Variants in DCLK2 observed in about 807,000 individuals in gnomAD.
DCLK2 encodes the protein doublecortin like kinase 2.
A neutral mutation model predicts 78.4 loss-of-function variants in DCLK2; 31 were observed. The ratio of observed to expected loss-of-function variants is 0.40; its 90% CI spans 0.30 to 0.53. The LOEUF (loss-of-function observed/expected upper bound fraction) is 0.53. DCLK2 is among the 20% of genes least tolerant of loss of function. The probability of loss-of-function intolerance (pLI) is 0.61; values close to 1 mark genes in which losing one functional copy is unlikely to be tolerated. For missense variants in DCLK2, 872 were observed against 973.7 expected, an observed-to-expected ratio of 0.90 and a Z score of 1.39; for synonymous variants, 407 against 374.9, an observed-to-expected ratio of 1.09 and a Z score of -0.99.
At chr4:150,086,837 T>A (rs1729686824) in intron 1 of DCLK2, among the ~76,000 whole-genome samples, 1 of 152,138 alleles carries the variant, frequency 6.6e-6, no homozygotes, top group Non-Finnish European at 1.5e-5. Context: ...TTATTTCTCG[T>A]TATGTGTTTA....
intron 1 of DCLK2, among the ~76,000 whole-genome samples, chr4:150,098,744 G>A (rs1479727470): frequency 7.0e-6 from 1 of 143,812 alleles, no homozygotes; most frequent in Non-Finnish European, 1.5e-5. Flanking sequence ...CACCCAGGCT[G>A]GAGTGCAGTG....
intron 8 of DCLK2, among the ~76,000 whole-genome samples, chr4:150,227,688 C>G (rs971665374): frequency 2.0e-5 from 3 of 152,180 alleles, no homozygotes; most frequent in African/African-American, 7.2e-5. Flanking sequence ...TCTTCCAGTT[C>G]TAATATTCTC....
At chr4:150,251,749 A>C (rs1490683820) in intron 15 of DCLK2, among the ~76,000 whole-genome samples, 6 of 25,484 alleles carry the variant, frequency 2.4e-4, no homozygotes, top group Admixed American at 1.2e-3. Context: ...AACACACCCC[A>C]CATTCCCCAC....
intron 2 of DCLK2, 25 bp downstream of exon 2, chr4:150,102,837 C>A (rs1230556943): frequency 1.2e-5 from 19 of 1,559,946 alleles, no homozygotes; most frequent in Non-Finnish European, 1.6e-5. Context: ...GCTCCCAGCT[C>A]TCCATCTGAC....
chr4:150,111,795 T>C (rs2150167893), intron 2 of DCLK2, among the ~76,000 whole-genome samples: 1 of 152,294 alleles, frequency 6.6e-6, no homozygotes, highest in South Asian at 2.1e-4. Context: ...TTTTAATTTA[T>C]CTCTAGACTC....
rs755594326 is a variant in DCLK2 at position 150,256,100 on chromosome 4, C to A, written c.2154C>A (p.Ile718=). 5.0e-6 allele frequency: 8 copies of A among 1,613,140 alleles called. No homozygotes were observed. The highest frequency in any genetic ancestry group is 6.8e-6 in the Non-Finnish European group (8 of 1,179,930). The change falls in exon 16 of 16, where the codon ATC becomes ATA. Residue 718 remains isoleucine, a synonymous_variant. Coordinates refer to ENST00000296550, the MANE Select transcript of DCLK2 (RefSeq NM_001040260.4). ...GCGGCAGGCCTGGGATGGAGCCCAT[C>A]TCTCCAGTTCCTCCCTCAGTGGAGG... The part of the protein sequence containing the change: ...QDSGRPGMEP[I]SPVPPSVEEI...
intron 2 of DCLK2, among the ~76,000 whole-genome samples, chr4:150,107,203 C>G (rs985131868): frequency 1.3e-5 from 2 of 151,976 alleles, no homozygotes; most frequent in African/African-American, 4.8e-5. Flanking sequence ...TGAGCTGATT[C>G]AAAAGAAAGT....
intron 12 of DCLK2, among the ~76,000 whole-genome samples, chr4:150,247,278 C>T (rs1039746098): frequency 6.6e-6 from 1 of 152,168 alleles, no homozygotes; most frequent in Non-Finnish European, 1.5e-5. Context: ...CCACTAAATG[C>T]ATTCACATTG....
rs930923607 is a variant in DCLK2, at chr4:150,221,693, A to T, written c.1149A>T (p.Arg383Ser). ...CISPEGVNGN[R>S]CSESSTLLEK... The stretch of plus-strand genomic sequence containing the variant: ...TTTTTGCAGGTGTGAATGGAAACAG[A>T]TGCTCTGAATCATCAACTCTTCTTG... The change falls in exon 7 of 16, where the codon AGA (arginine) becomes AGT (serine). Residue 383 changes from arginine to serine, a missense_variant. Physicochemically the swap from Arg to Ser is moderately radical, Grantham distance 110 (BLOSUM62 -1). Coordinates refer to ENST00000296550, the MANE Select transcript of DCLK2 (RefSeq NM_001040260.4). The T allele has an allele frequency of 6.3e-7, 1 of 1,597,232 alleles. No homozygotes were observed. Among genetic ancestry groups the T allele is most frequent in the African/African-American group, 1.4e-5 (1 of 74,062 alleles).
intron 2 of DCLK2, among the ~76,000 whole-genome samples, chr4:150,110,888 A>G (rs1329216993): frequency 6.6e-6 from 1 of 152,184 alleles, no homozygotes. Context: ...TCATTGGTTA[A>G]TGGACACTTA....
intron 5 of DCLK2, among the ~76,000 whole-genome samples, chr4:150,213,330 A>G (rs757169125): frequency 1.3e-5 from 2 of 152,218 alleles, no homozygotes; most frequent in Non-Finnish European, 1.5e-5. Context: ...TTTTTGCCAA[A>G]CGAAACCAAA....
In DCLK2 at chr4:150,238,610, TGGAA is replaced by T. The variant is rs141958679; in HGVS notation, c.1567-1127_1567-1124del. ...CTAATCAGCCAGTCCTTCCAGGAAA[TGGAA>T]GGAACATTTTTTATTTTTTTACTTT... On this transcript the variant is annotated intron_variant, in intron 10 of 15. Transcript: ENST00000296550. Among the ~76,000 whole-genome samples, 6 of 152,282 alleles carry T rather than the reference TGGAA, an allele frequency of 3.9e-5. No homozygotes were observed. In the East Asian group the frequency reaches 1.2e-3, roughly 29 times the overall value.
At chr4:150,231,609 T>C (rs573225475) in intron 8 of DCLK2, among the ~76,000 whole-genome samples, 1 of 152,328 alleles carries the variant, frequency 6.6e-6, no homozygotes, top group South Asian at 2.1e-4. Flanking sequence ...TCGTTAATTC[T>C]GTAAGTAAAC....
chr4:150,145,124 G>T (rs898722694), intron 2 of DCLK2, among the ~76,000 whole-genome samples: 2 of 151,800 alleles, frequency 1.3e-5, no homozygotes, highest in African/African-American at 4.8e-5. Flanking sequence ...TTTTTTTGTT[G>T]CTATTGTAAA....
At chr4:150,117,288 G>GT (rs1732166670) in intron 2 of DCLK2, among the ~76,000 whole-genome samples, 1 of 152,166 alleles carries the variant, frequency 6.6e-6, no homozygotes, top group African/African-American at 2.4e-5. Flanking sequence ...CAGGTCTCTC[G>GT]TAGGCAGTGT....
intron 2 of DCLK2, chr4:150,175,677 T>A (rs1204705148): frequency 1.3e-5 from 2 of 152,228 alleles, no homozygotes; most frequent in Non-Finnish European, 2.9e-5. Context: ...GACGGTTTCA[T>A]ATTTAGTCTT....
At chr4:150,123,199 G>T (rs539242812) in intron 2 of DCLK2, among the ~76,000 whole-genome samples, 1 of 152,234 alleles carries the variant, frequency 6.6e-6, no homozygotes, top group South Asian at 2.1e-4. Context: ...GCCTGTCTTG[G>T]TTTTTGACAT....
chr4:150,221,189 GC>G (rs1741160243), intron 6 of DCLK2, among the ~76,000 whole-genome samples: 1 of 152,146 alleles, frequency 6.6e-6, no homozygotes, highest in African/African-American at 2.4e-5. Context: ...AAAGCTTTGA[GC>G]CAGGAATTAG....
rs184934505 is a variant in DCLK2 at position 150,130,156 on chromosome 4, C to T, written c.756+27344C>T. On this transcript the variant is annotated intron_variant, in intron 2 of 15. Transcript: ENST00000296550. ...AATGAATCTGGAATGCTGTGGAGCT[C>T]AGAAGTCCTTAATATGTATTCACTG... Among the ~76,000 whole-genome samples, 277 of 152,206 alleles carry T rather than the reference C, an allele frequency of 1.8e-3. 2 individuals carry two copies. The highest frequency in any genetic ancestry group is 6.3e-3 in the African/African-American group (263 of 41,500).
Sources: allele counts gnomAD v4.1 joint callset (sites outside exome capture counted in the v4.1 genomes callset), GRCh38; gene constraint gnomAD v4.1.1; transcripts MANE v1.5; gene names NCBI Gene and HGNC (gene_info 2026-07-23, HGNC 2026-07-21).